The following TSHR variants were observed in gnomAD, a reference collection of about 807,000 sequenced individuals.
TSHR encodes the protein thyrotropin receptor.
A neutral mutation model predicts 64.1 loss-of-function variants in TSHR; 51 were observed. The observed-to-expected ratio is 0.80, with a 90% CI of 0.64 to 1.01. The LOEUF is 1.01. Ranked by LOEUF, TSHR falls within the 50% of genes least tolerant of loss-of-function variation. TSHR has a pLI of 0.00. For missense variants in TSHR, 877 were observed against 942.8 expected, an observed-to-expected ratio of 0.93 and a Z score of 0.91; for synonymous variants, 361 against 361.9, an observed-to-expected ratio of 1.00 and a Z score of 0.03.
chr14:81,060,526 A>G (rs1886159801), intron 1 of TSHR, among the ~76,000 whole-genome samples: 1 of 152,092 alleles, frequency 6.6e-6, no homozygotes, highest in Non-Finnish European at 1.5e-5. Flanking sequence ...TGACATTCAC[A>G]TCACCTCCCT....
chr14:80,977,024 T>G (rs2110696), intron 1 of TSHR, among the ~76,000 whole-genome samples: 1 of 152,174 alleles, frequency 6.6e-6, no homozygotes, highest in African/African-American at 2.4e-5. Context: ...TTTGGTAGGC[T>G]CTTGCATTGC....
intron 1 of TSHR, among the ~76,000 whole-genome samples, chr14:81,025,454 AT>A (rs1015508863): frequency 0.025 from 3,187 of 127,336 alleles, 114 homozygotes; most frequent in African/African-American, 0.078. Flanking sequence ...ATATGTAGTT[AT>A]TTTTTTTTTA....
chr14:81,021,162 G>A (rs1009778133), intron 1 of TSHR, among the ~76,000 whole-genome samples: 9 of 151,914 alleles, frequency 5.9e-5, no homozygotes, highest in East Asian at 1.9e-4. Flanking sequence ...CCATGCCCCC[G>A]ACCCTGCCAG....
intron 7 of TSHR, among the ~76,000 whole-genome samples, chr14:81,097,762 A>G (rs886083088): frequency 1.3e-5 from 2 of 152,180 alleles, no homozygotes; most frequent in African/African-American, 4.8e-5. Context: ...AACTCATTAC[A>G]CTGAGGCAAG....
intron 1 of TSHR, chr14:81,013,185 T>G (rs988626889): frequency 2.6e-5 from 4 of 152,234 alleles, no homozygotes; most frequent in African/African-American, 9.6e-5. Flanking sequence ...CCAGCACCAT[T>G]TATTAAATAG....
At chr14:80,957,941 T>C (rs1382073052) in intron 1 of TSHR, 1 of 152,040 alleles carries the variant, frequency 6.6e-6, no homozygotes, top group Non-Finnish European at 1.5e-5. Context: ...TTGAGAATAA[T>C]GGAGAGGGAG....
chr14:81,130,461 G>A (rs1317758842), intron 8 of TSHR, among the ~76,000 whole-genome samples: 1 of 151,980 alleles, frequency 6.6e-6, no homozygotes, highest in Non-Finnish European at 1.5e-5. Context: ...ACTCTCTCTT[G>A]GTTTTTCTCC....
At chr14:81,084,565 A>T (rs1034869776) in intron 3 of TSHR, among the ~76,000 whole-genome samples, 2 of 152,202 alleles carry the variant, frequency 1.3e-5, no homozygotes, top group Non-Finnish European at 2.9e-5. Flanking sequence ...CTGCTTGCTC[A>T]TGGGAGAGTA....
At chr14:81,139,950 C>T in intron 9 of TSHR, 83 bp downstream of exon 9, 1 of 1,544,980 alleles carries the variant, frequency 6.5e-7, no homozygotes, top group East Asian at 2.3e-5. Context: ...AAGATGCTTC[C>T]TGGTTTGAAA....
intron 8 of TSHR, among the ~76,000 whole-genome samples, chr14:81,127,052 A>G (rs972716829): frequency 1.3e-5 from 2 of 152,254 alleles, no homozygotes; most frequent in Non-Finnish European, 2.9e-5. Flanking sequence ...GTGATTTTAC[A>G]ATTAATTGGA....
In TSHR at chr14:81,143,558, C is replaced by T. The variant is rs2140111405; in HGVS notation, c.1500C>T (p.Phe500=). The T allele has an allele frequency of 1.2e-6, 2 of 1,613,296 alleles. No individual in the cohort carries two copies. Among genetic ancestry groups the T allele is most frequent in the Non-Finnish European group, 1.7e-6 (2 of 1,180,044 alleles). The change falls in exon 10 of 10, where the codon TTC becomes TTT. Residue 500 remains phenylalanine, a synonymous_variant. Coordinates refer to ENST00000298171, the MANE Select transcript of TSHR (RefSeq NM_000369.5). ...TGPGCNTAGF[F]TVFASELSVY... is the part of the protein sequence containing the mutation. ...CTGGGTGCAACACGGCTGGTTTCTT[C>T]ACTGTCTTTGCAAGCGAGTTATCGG...
intron 1 of TSHR, among the ~76,000 whole-genome samples, chr14:80,973,800 A>G (rs953078712): frequency 6.6e-6 from 1 of 152,186 alleles, no homozygotes; most frequent in African/African-American, 2.4e-5. Flanking sequence ...CCAATGTGCC[A>G]AGGAAGAAAA....
intron 1 of TSHR, among the ~76,000 whole-genome samples, chr14:81,054,663 G>T (rs1393438256): frequency 6.6e-6 from 1 of 152,176 alleles, no homozygotes; most frequent in East Asian, 1.9e-4. Context: ...TTAGCAAAGA[G>T]ACTGGCAGCA....
intron 1 of TSHR, among the ~76,000 whole-genome samples, chr14:81,035,357 C>T (rs1457352484): frequency 6.6e-6 from 1 of 152,162 alleles, no homozygotes; most frequent in Non-Finnish European, 1.5e-5. Flanking sequence ...CTCTACTGAC[C>T]TCAGGACCTC....
chr14:81,124,512 T>C (rs555406973), intron 8 of TSHR, among the ~76,000 whole-genome samples: 4 of 152,284 alleles, frequency 2.6e-5, no homozygotes, highest in Admixed American at 6.5e-5. Flanking sequence ...CCACCTCCCA[T>C]AGACATGCTA....
In TSHR at chr14:81,139,721, C is replaced by G. The variant is rs146738314; in HGVS notation, c.735C>G (p.Gly245=). The G allele has an allele frequency of 2.6e-4, 426 of 1,614,078 alleles. No homozygotes were observed. Among genetic ancestry groups the G allele is most frequent in the Non-Finnish European group, 3.4e-4 (396 of 1,180,058 alleles). The change falls in exon 9 of 10, where the codon GGC becomes GGG. Residue 245 remains glycine, a synonymous_variant. Coordinates refer to ENST00000298171, the MANE Select transcript of TSHR (RefSeq NM_000369.5). ...QTSVTALPSK[G]LEHLKELIAR... is the part of the protein sequence containing the mutation. ...GTGTCACTGCCCTTCCATCCAAAGG[C>G]CTGGAGCACCTGAAGGAACTGATAG... is the stretch of plus-strand genomic sequence containing the variant.
intron 8 of TSHR, among the ~76,000 whole-genome samples, chr14:81,127,275 G>C (rs1891055772): frequency 6.6e-6 from 1 of 152,292 alleles, no homozygotes; most frequent in African/African-American, 2.4e-5. Flanking sequence ...ATTGTCATCT[G>C]ACACACTATC....
intron 1 of TSHR, among the ~76,000 whole-genome samples, chr14:80,975,392 C>G (rs764225684): frequency 2.0e-5 from 3 of 152,196 alleles, no homozygotes; most frequent in Non-Finnish European, 4.4e-5. Context: ...CCTATTTTGA[C>G]TTTTTCCTCC....
intron 8 of TSHR, among the ~76,000 whole-genome samples, chr14:81,136,046 G>C (rs1420392373): frequency 6.6e-6 from 1 of 152,198 alleles, no homozygotes; most frequent in Non-Finnish European, 1.5e-5. Context: ...AATTTTGTCT[G>C]TAAGTGGCCT....
Sources: gnomAD v4.1 joint callset for allele counts (sites outside exome capture counted in the v4.1 genomes callset) on GRCh38, gnomAD v4.1.1 for gene constraint, MANE v1.5 for transcripts, NCBI Gene and HGNC (gene_info 2026-07-23, HGNC 2026-07-21) for gene names.